EML1: variants seen among roughly 807,000 people sequenced by gnomAD.
The protein encoded by EML1 is echinoderm microtubule-associated protein-like 1.
EML1 carries 27 observed loss-of-function variants against 110.4 expected under a neutral mutation model. The ratio of observed to expected loss-of-function variants is 0.24; its 90% confidence interval spans 0.18 to 0.34. The LOEUF is 0.34. Among genes scored for constraint, EML1 ranks in the 10% least tolerant of loss-of-function variants. The pLI is 1.00. For synonymous variants in EML1, 344 were observed against 385.8 expected (o/e 0.89, Z 1.27); for missense variants, 741 against 1,030.9 (o/e 0.72, Z 3.85).
intron 1 of EML1, among the ~76,000 whole-genome samples, chr14:99,832,044 C>T (rs1383136266): frequency 6.6e-6 from 1 of 152,024 alleles, no homozygotes; most frequent in African/African-American, 2.4e-5. Context: ...CTTTGTCAGC[C>T]CTCCCTGCCC....
upstream of EML1, among the ~76,000 whole-genome samples, chr14:99,789,418 AG>A (rs1411022173): frequency 1.3e-5 from 2 of 152,198 alleles, no homozygotes; most frequent in Non-Finnish European, 1.5e-5. Flanking sequence ...CATGTTGGCC[AG>A]GCTGGTTTCG....
Position 99,865,594 on chromosome 14 carries a change from C to T in EML1, c.331C>T (p.Leu111=), listed in dbSNP as rs922353285. 6.2e-7 allele frequency: 1 copy of T among 1,614,246 alleles called. No individual in the cohort carries two copies. Among genetic ancestry groups the T allele is most frequent in the Admixed American group, 1.7e-5 (1 of 60,030 alleles). ...GTTACCAAAGAAACCTACTGGCTCT[C>T]TACCATCCCCCTCCGGGGTCAGGAA... ...TVLPKKPTGS[L]PSPSGVRKET... Residue 111 remains leucine, a synonymous_variant, in exon 3 of 22, where the codon CTA becomes TTA. Transcript: ENST00000262233.
chr14:99,782,496 G>A (rs2057551495), intron 1 of EML1, among the ~76,000 whole-genome samples: 1 of 152,128 alleles, frequency 6.6e-6, no homozygotes, highest in South Asian at 2.1e-4. Context: ...TGTGTCTCCT[G>A]TTCCTGGCAC....
chr14:99,844,599 A>G (rs74883238), intron 1 of EML1, among the ~76,000 whole-genome samples: 1,873 of 152,258 alleles, frequency 0.012, 83 homozygotes, highest in South Asian at 0.068. Context: ...AGATAATTCT[A>G]TGTGTTTTAA....
intron 1 of EML1, among the ~76,000 whole-genome samples, chr14:99,823,071 A>G (rs1050596353): frequency 2.0e-5 from 3 of 152,152 alleles, no homozygotes; most frequent in African/African-American, 7.2e-5. Context: ...TCCTCCGGGA[A>G]GAAGACCCAG....
chr14:99,881,880 T>C (rs1357656027), intron 4 of EML1, among the ~76,000 whole-genome samples: 1 of 152,212 alleles, frequency 6.6e-6, no homozygotes, highest in African/African-American at 2.4e-5. Context: ...ATTACAGGCG[T>C]GAGCCACCGC....
chr14:99,774,977 T>C (rs2057465822), intron 1 of EML1, among the ~76,000 whole-genome samples: 1 of 152,100 alleles, frequency 6.6e-6, no homozygotes. Flanking sequence ...AAATGGAAAG[T>C]AGTCCAGTGA....
At chr14:99,894,433 A>C in intron 5 of EML1, 196 bp from the exon 6 acceptor site, 1 of 554,378 alleles carries the variant, frequency 1.8e-6, no homozygotes, top group Non-Finnish European at 2.7e-6. Flanking sequence ...TAAACAGAAT[A>C]TCAAAAGCAA....
At chr14:99,867,930 A>G (rs924780033) in intron 3 of EML1, among the ~76,000 whole-genome samples, 1 of 152,134 alleles carries the variant, frequency 6.6e-6, no homozygotes, top group Admixed American at 6.6e-5. Flanking sequence ...GTCTTTTACC[A>G]TTGAGTATTA....
At chr14:99,858,200 T>TTTTG (rs2058938133) in intron 2 of EML1, among the ~76,000 whole-genome samples, 1 of 148,636 alleles carries the variant, frequency 6.7e-6, no homozygotes, top group East Asian at 1.9e-4. Flanking sequence ...TTTTTTTTTT[T>TTTTG]TAGGCAGAGT....
intron 2 of EML1, among the ~76,000 whole-genome samples, chr14:99,861,718 G>T (rs1047478280): frequency 6.6e-6 from 1 of 152,152 alleles, no homozygotes; most frequent in Non-Finnish European, 1.5e-5. Flanking sequence ...CTGTCCTCAG[G>T]TTATCCACCT....
chr14:99,901,721 T>A (rs1343675205), intron 9 of EML1, among the ~76,000 whole-genome samples: 2 of 152,210 alleles, frequency 1.3e-5, no homozygotes, highest in Admixed American at 1.3e-4. Context: ...GTCACTCTTG[T>A]CGCCATCTTG....
In EML1 at chr14:99,743,126, T is replaced by A. The variant is rs140081231; in HGVS notation, c.28+5266T>A. The stretch of plus-strand genomic sequence containing the variant: ...GCACTCCCAACCCATGGGATCTCCA[T>A]GTTATGGAGCAGGGGAAACTGAGGC... On this transcript the variant is annotated intron_variant, in intron 1 of 10. Transcript: ENST00000554479. 8.8e-3 allele frequency among the ~76,000 whole-genome samples: 1,342 copies of A among 152,176 alleles called. 16 individuals are homozygous for A. The highest frequency in any genetic ancestry group is 0.031 in the African/African-American group (1,282 of 41,540).
Position 99,783,299 on chromosome 14 carries a change from T to C in EML1, c.-27+9286T>C, listed in dbSNP as rs144300179. Among the ~76,000 whole-genome samples the C allele has an allele frequency of 3.7e-4, 57 of 152,022 alleles. 2 individuals are homozygous for C. Among genetic ancestry groups the C allele is most frequent in the African/African-American group, 1.3e-3 (52 of 41,468 alleles). ...GAATGATGGTTTCCAGCTTCATCCA[T>C]GTCCCTACAAAGGACATGAACTCAT... is the stretch of plus-strand genomic sequence containing the variant. On this transcript the variant is annotated intron_variant, in intron 1 of 22. Transcript: ENST00000327921.
At chr14:99,783,254 T>A (rs1275139819) in intron 1 of EML1, among the ~76,000 whole-genome samples, 2 of 151,116 alleles carry the variant, frequency 1.3e-5, no homozygotes, top group East Asian at 3.9e-4. Context: ...TGGTTTTTTG[T>A]CCTTGCAATA....
intron 1 of EML1, among the ~76,000 whole-genome samples, chr14:99,739,976 G>A (rs1230276880): frequency 6.6e-6 from 1 of 152,138 alleles, no homozygotes; most frequent in African/African-American, 2.4e-5. Flanking sequence ...CCATTAGGTG[G>A]GGACAATACT....
intron 1 of EML1, among the ~76,000 whole-genome samples, chr14:99,808,690 G>A (rs1330298853): frequency 6.6e-6 from 1 of 152,164 alleles, no homozygotes; most frequent in Admixed American, 6.5e-5. Flanking sequence ...GCTGAGAGAT[G>A]ATACAGTTTA....
intron 1 of EML1, among the ~76,000 whole-genome samples, chr14:99,743,624 A>G (rs1243108633): frequency 6.6e-6 from 1 of 152,220 alleles, no homozygotes; most frequent in Non-Finnish European, 1.5e-5. Context: ...TCCCGACATC[A>G]GGCAGGGCCC....
chr14:99,844,757 A>G (rs185325161), intron 1 of EML1, among the ~76,000 whole-genome samples: 2 of 152,318 alleles, frequency 1.3e-5, no homozygotes, highest in East Asian at 3.9e-4. Context: ...GGAGAATGTC[A>G]TATAAATGGA....
Sources: allele counts gnomAD v4.1 joint callset (sites outside exome capture counted in the v4.1 genomes callset), GRCh38; gene constraint gnomAD v4.1.1; transcripts MANE v1.5; gene names NCBI Gene and HGNC (gene_info 2026-07-23, HGNC 2026-07-21).